ZNF423: variants seen among roughly 807,000 people sequenced by gnomAD.
ZNF423 encodes the protein zinc finger protein 423, also known as Ebf-associated zinc finger protein.
In ZNF423, 12 loss-of-function variants were observed where a neutral mutation model predicts 95.8. The ratio of observed to expected loss-of-function variants is 0.13; its 90% confidence interval spans 0.08 to 0.20. ZNF423 has a LOEUF of 0.20. Ranked by LOEUF, ZNF423 falls within the 10% of genes least tolerant of loss-of-function variation. The pLI is 1.00. For synonymous variants in ZNF423, 749 were observed against 711.9 expected (o/e 1.05, Z -0.83); for missense variants, 1,316 against 1,737.1 (o/e 0.76, Z 4.31).
intron 3 of ZNF423, among the ~76,000 whole-genome samples, chr16:49,639,895 A>G (rs950926548): frequency 2.6e-5 from 4 of 152,196 alleles, no homozygotes; most frequent in Non-Finnish European, 4.4e-5. Context: ...GGCACACAGG[A>G]CACAGTGAAT....
intron 5 of ZNF423, among the ~76,000 whole-genome samples, chr16:49,584,911 T>C (rs958151300): frequency 6.6e-6 from 1 of 152,194 alleles, no homozygotes. Context: ...CTTGGGTCTC[T>C]GTTATTCCGG....
chr16:49,724,604 G>A lies in ZNF423; in HGVS notation c.301+6167C>T, dbSNP rs1053317898. On this transcript the variant is annotated intron_variant, in intron 3 of 7. Coordinates refer to ENST00000563137, the MANE Select transcript of ZNF423 (RefSeq NM_001379286.1). ...AAGGGGCCTGAGCCAGCACAAAAAG[G>A]CAAGCGCTGGCCAGCCGGCCGACAG... Among the ~76,000 whole-genome samples the A allele has an allele frequency of 6.9e-4, 105 of 152,236 alleles. 1 individual carries two copies. The highest frequency in any genetic ancestry group is 1.0e-3 in the Non-Finnish European group (69 of 68,050).
intron 2 of ZNF423, among the ~76,000 whole-genome samples, chr16:49,746,501 A>C (rs1201259860): frequency 1.3e-5 from 2 of 152,116 alleles, no homozygotes; most frequent in Non-Finnish European, 1.5e-5. Context: ...TTTTTGAGAC[A>C]GAATCTTGCT....
chr16:49,721,552 CGG>C (rs1357634078), intron 3 of ZNF423, among the ~76,000 whole-genome samples: 1 of 152,098 alleles, frequency 6.6e-6, no homozygotes, highest in Non-Finnish European at 1.5e-5. Flanking sequence ...TAACAGAAAC[CGG>C]GGACAGCCCA....
At chr16:49,630,748 C>T (rs1368628250) in intron 4 of ZNF423, among the ~76,000 whole-genome samples, 2 of 152,098 alleles carry the variant, frequency 1.3e-5, no homozygotes, top group East Asian at 3.9e-4. Flanking sequence ...AATACATCCC[C>T]AGGGGCTTGG....
At chr16:49,787,461 A>T (rs761643238) in intron 2 of ZNF423, among the ~76,000 whole-genome samples, 8 of 152,082 alleles carry the variant, frequency 5.3e-5, no homozygotes, top group Non-Finnish European at 8.8e-5. Flanking sequence ...ACGGCCATGG[A>T]GTCACAAGGA....
At chr16:49,778,319 C>G (rs2034154200) in intron 2 of ZNF423, among the ~76,000 whole-genome samples, 2 of 152,218 alleles carry the variant, frequency 1.3e-5, no homozygotes, top group Admixed American at 6.5e-5. Context: ...CACCATTGAC[C>G]ATATCCAACC....
At chr16:49,594,221 T>C (rs1052089996) in intron 5 of ZNF423, among the ~76,000 whole-genome samples, 6 of 152,080 alleles carry the variant, frequency 3.9e-5, no homozygotes, top group Non-Finnish European at 7.4e-5. Context: ...GTCTCTCTCT[T>C]TATTAAAAAT....
intron 2 of ZNF423, among the ~76,000 whole-genome samples, chr16:49,779,495 T>C (rs977255842): frequency 3.9e-5 from 6 of 152,128 alleles, no homozygotes; most frequent in African/African-American, 1.4e-4. Context: ...AGTCAGAATC[T>C]GCATCTTGAC....
chr16:49,685,752 G>A (rs1461292728), intron 3 of ZNF423, among the ~76,000 whole-genome samples: 1 of 152,144 alleles, frequency 6.6e-6, no homozygotes, highest in Non-Finnish European at 1.5e-5. Context: ...GTCCTTGACA[G>A]GGCATTGGCA....
At chr16:49,773,390 C>A (rs2034069165) in intron 2 of ZNF423, among the ~76,000 whole-genome samples, 1 of 152,080 alleles carries the variant, frequency 6.6e-6, no homozygotes, top group Admixed American at 6.5e-5. Context: ...GTCACGAGAA[C>A]AGCACGGGGG....
At chr16:49,649,664 CA>C (rs1973319850) in intron 3 of ZNF423, among the ~76,000 whole-genome samples, 1 of 66,158 alleles carries the variant, frequency 1.5e-5, no homozygotes, top group Admixed American at 1.5e-4. Flanking sequence ...CACACACACA[CA>C]CACAGGGAGA....
chr16:49,850,475 T>C (rs148550367), intron 1 of ZNF423, among the ~76,000 whole-genome samples: 83 of 152,358 alleles, frequency 5.4e-4, no homozygotes, highest in African/African-American at 1.9e-3. Flanking sequence ...CAAGGTATTC[T>C]ACTGTAATCA....
chr16:49,521,433 T>C (rs1968390323), intron 7 of ZNF423, among the ~76,000 whole-genome samples: 1 of 152,202 alleles, frequency 6.6e-6, no homozygotes, highest in Non-Finnish European at 1.5e-5. Flanking sequence ...GGCGGCTGCA[T>C]GGACTGCACT....
chr16:49,749,015 A>G (rs1056158819), intron 2 of ZNF423, among the ~76,000 whole-genome samples: 11 of 152,294 alleles, frequency 7.2e-5, no homozygotes, highest in African/African-American at 2.6e-4. Flanking sequence ...TGCGGTTTCT[A>G]TGGAGTCCAG....
At chr16:49,837,915 C>CAGAGCGG (rs1437055248) in intron 1 of ZNF423, among the ~76,000 whole-genome samples, 1 of 152,220 alleles carries the variant, frequency 6.6e-6, no homozygotes. Context: ...TCAGATAAGC[C>CAGAGCGG]AGAGCGGTCT....
chr16:49,830,912 C>T (rs990376446), intron 1 of ZNF423, among the ~76,000 whole-genome samples: 1 of 152,172 alleles, frequency 6.6e-6, no homozygotes, highest in Non-Finnish European at 1.5e-5. Flanking sequence ...CAGCTCGAAG[C>T]ATCCCAGGTG....
chr16:49,854,060 T>C (rs2035330138), intron 1 of ZNF423: 2 of 985,296 alleles, frequency 2.0e-6, no homozygotes, highest in Non-Finnish European at 2.4e-6. Context: ...GTACAGCCCT[T>C]CCATCAGCAA....
intron 2 of ZNF423, among the ~76,000 whole-genome samples, chr16:49,759,591 C>T (rs2033790296): frequency 6.6e-6 from 1 of 152,192 alleles, no homozygotes; most frequent in South Asian, 2.1e-4. Context: ...AAGTTCTCAG[C>T]CAGGAGTGCG....
Sources: allele counts gnomAD v4.1 joint callset (sites outside exome capture counted in the v4.1 genomes callset), GRCh38; gene constraint gnomAD v4.1.1; transcripts MANE v1.5; gene names NCBI Gene and HGNC (gene_info 2026-07-23, HGNC 2026-07-21).